The following PCDHA10 variants were observed in gnomAD, a reference collection of about 807,000 sequenced individuals.
PCDHA10 encodes protocadherin alpha 10.
In PCDHA10, 45 loss-of-function variants were observed where a neutral mutation model predicts 61.2. The observed-to-expected ratio is 0.74, with a 90% CI of 0.58 to 0.94. The LOEUF is 0.94. PCDHA10 is among the 40% of genes least tolerant of loss of function. The pLI is 0.00. For missense variants in PCDHA10, 1,278 were observed against 1,236.2 expected (o/e 1.03, Z -0.51); for synonymous variants, 602 against 548.8 (o/e 1.10, Z -1.35).
At chr5:141,000,854 G>A (rs2097968530) in intron 3 of PCDHA10, among the ~76,000 whole-genome samples, 1 of 152,010 alleles carries the variant, frequency 6.6e-6, no homozygotes, top group Non-Finnish European at 1.5e-5. Flanking sequence ...CTGGCAGTCA[G>A]CCATGACCTC....
chr5:140,928,955 T>A, intron 1 of PCDHA10: 1 of 1,614,024 alleles, frequency 6.2e-7, no homozygotes, highest in Middle Eastern at 1.6e-4. Context: ...GTAATTGCCT[T>A]GGCTTGTATT....
intron 1 of PCDHA10, chr5:140,928,426 TC>T (rs781827449): frequency 1.9e-6 from 3 of 1,614,134 alleles, no homozygotes; most frequent in South Asian, 2.2e-5. Context: ...TGCCAAAACT[TC>T]CTTTGACTTT....
chr5:140,870,955 C>T, intron 1 of PCDHA10: 1 of 1,613,632 alleles, frequency 6.2e-7, no homozygotes, highest in Non-Finnish European at 8.5e-7. Context: ...GGGCGGCTCG[C>T]GCATCCCGTT....
intron 1 of PCDHA10, chr5:140,882,358 G>A: frequency 1.9e-6 from 3 of 1,614,232 alleles, no homozygotes; most frequent in Non-Finnish European, 2.5e-6. Context: ...GTAGTGGCCA[G>A]CTCCACTACT....
In PCDHA10 at chr5:141,010,472, A is replaced by G. The variant is rs2098417397; in HGVS notation, c.*535A>G. ...AGCGGAAGTTATCAGTATGGAGGGG[A>G]AGTGTAAACTTAAAGGGACCAGACT... On this transcript the variant is annotated 3_prime_UTR_variant, in exon 4 of 4. Transcript: ENST00000307360. The G allele has an allele frequency of 1.3e-6, 1 of 762,088 alleles. No homozygotes were observed. Among genetic ancestry groups the G allele is most frequent in the African/African-American group, 1.8e-5 (1 of 56,688 alleles). 47.2% of individuals were successfully genotyped at this position (762,088 alleles called of 1,614,324 possible).
chr5:140,942,359 C>T (rs943225700), intron 1 of PCDHA10, among the ~76,000 whole-genome samples: 5 of 151,564 alleles, frequency 3.3e-5, no homozygotes, highest in Non-Finnish European at 5.9e-5. Flanking sequence ...TTGCAGTTAA[C>T]GGAGATTGCA....
At chr5:140,904,199 C>A (rs2070936424) in intron 1 of PCDHA10, among the ~76,000 whole-genome samples, 1 of 151,944 alleles carries the variant, frequency 6.6e-6, no homozygotes, top group Non-Finnish European at 1.5e-5. Flanking sequence ...CCCTTTCCCC[C>A]TAAGTCCCCA....
At chr5:140,871,321 T>A in intron 1 of PCDHA10, 2 of 1,614,066 alleles carry the variant, frequency 1.2e-6, no homozygotes, top group Non-Finnish European at 1.7e-6. Flanking sequence ...CACGCTGGTG[T>A]GCTCCCGCGC....
At chr5:140,978,769 T>C in intron 1 of PCDHA10, 180 bp from the exon 2 acceptor site, 1 of 957,338 alleles carries the variant, frequency 1.0e-6, no homozygotes, top group Non-Finnish European at 1.2e-6. Flanking sequence ...CCTGATGAAC[T>C]AATTTTCTTC....
rs545473160 is a variant in PCDHA10 at position 140,873,172 on chromosome 5, G to C, written c.2388+14736G>C. ...CATAGACTTTAGATCGAGAGCTTTT[G>C]TATCATAATATTCATTGGCTAAAAA... On this transcript the variant is annotated intron_variant, in intron 1 of 3. Transcript: ENST00000307360. 2.6e-5 allele frequency among the ~76,000 whole-genome samples: 4 copies of C among 152,084 alleles called. No individual in the cohort carries two copies. In the South Asian group the frequency reaches 8.3e-4, roughly 32 times the overall value.
rs139533789 is a variant in PCDHA10, at chr5:140,857,716, C to G, written c.1668C>G (p.Asp556Glu). ...SNLTLQVFVL[D>E]ENDNAPALLA... ...TGACGCTGCAGGTGTTCGTGCTGGA[C>G]GAGAACGACAACGCTCCCGCGCTGC... Residue 556 changes from aspartate (D) to glutamate (E), a missense_variant, in exon 1 of 4, where the codon GAC becomes GAG. By Grantham distance (45) the Asp-to-Glu change is conservative. Transcript: ENST00000307360. The G allele has an allele frequency of 3.1e-6, 5 of 1,597,272 alleles. No individual in the cohort carries two copies. Among genetic ancestry groups the G allele is most frequent in the East Asian group, 2.2e-5 (1 of 44,832 alleles).
In PCDHA10 at chr5:140,929,637, G is replaced by A. The variant is rs373869618; in HGVS notation, c.2389-49312G>A. ...CCAAAATATTTTATAAGCAACAGATGTGTAAGGCACTCTAATATTTAAAGT... is the reference window on the plus strand; with the variant it reads ...CCAAAATATTTTATAAGCAACAGATATGTAAGGCACTCTAATATTTAAAGT... On this transcript the variant is annotated intron_variant, in intron 1 of 3. Coordinates refer to ENST00000307360, the MANE Select transcript of PCDHA10 (RefSeq NM_018901.4). The A allele has an allele frequency of 1.4e-4, 52 of 378,290 alleles. No homozygotes were observed. The South Asian group carries it at 3.2e-3, about 23-fold the overall frequency. The allele number at this position is 378,290 out of a possible 1,614,324, so 23.4% of individuals were successfully genotyped here. A position where few individuals can be genotyped will look rare whatever the true frequency, so the allele number is the denominator to read the frequency against.
At chr5:140,984,859 A>G (rs1368341114) in intron 3 of PCDHA10, among the ~76,000 whole-genome samples, 1 of 152,046 alleles carries the variant, frequency 6.6e-6, no homozygotes, top group Non-Finnish European at 1.5e-5. Flanking sequence ...TAATAATAAC[A>G]CCTATTTTAT....
chr5:140,959,382 A>C (rs1332960560), intron 1 of PCDHA10, among the ~76,000 whole-genome samples: 1 of 152,200 alleles, frequency 6.6e-6, no homozygotes, highest in African/African-American at 2.4e-5. Flanking sequence ...TCAAAAAAAA[A>C]AGTCACAAAT....
At chr5:141,003,307 C>T (rs2153977029) in intron 3 of PCDHA10, among the ~76,000 whole-genome samples, 1 of 152,252 alleles carries the variant, frequency 6.6e-6, no homozygotes. Flanking sequence ...ATGAAGTGGC[C>T]AGCTACTTCC....
chr5:140,989,128 G>A (rs2097330831), intron 3 of PCDHA10: 1 of 152,178 alleles, frequency 6.6e-6, no homozygotes, highest in Non-Finnish European at 1.5e-5. Flanking sequence ...AGAAAAATAA[G>A]ACACTTTATC....
At chr5:140,884,329 G>T (rs782258780) in intron 1 of PCDHA10, 1 of 1,613,760 alleles carries the variant, frequency 6.2e-7, no homozygotes, top group Non-Finnish European at 8.5e-7. Flanking sequence ...CAGGCGCTGT[G>T]GGTCCAGAAG....
At chr5:140,878,552 C>A (rs1035509057) in intron 1 of PCDHA10, among the ~76,000 whole-genome samples, 1 of 152,130 alleles carries the variant, frequency 6.6e-6, no homozygotes, top group Non-Finnish European at 1.5e-5. Flanking sequence ...TTCAGATGAT[C>A]CCAAACTTAT....
intron 1 of PCDHA10, chr5:140,884,666 A>C (rs1554181818): frequency 6.4e-7 from 1 of 1,571,180 alleles, no homozygotes; most frequent in African/African-American, 1.4e-5. Flanking sequence ...GAAAGAGGTA[A>C]GCTTATATTT....
Sources: allele counts gnomAD v4.1 joint callset (sites outside exome capture counted in the v4.1 genomes callset), GRCh38; gene constraint gnomAD v4.1.1; transcripts MANE v1.5; gene names NCBI Gene and HGNC (gene_info 2026-07-23, HGNC 2026-07-21).